DMXL1: variants seen among roughly 807,000 people sequenced by gnomAD.
The protein encoded by DMXL1 is dmX-like protein 1.
Under a neutral mutation model 319.2 loss-of-function variants are expected in DMXL1, and 99 were observed. The observed-to-expected ratio is 0.31, with a 90% confidence interval of 0.26 to 0.37. The LOEUF is 0.37. DMXL1 is among the 10% of genes least tolerant of loss of function. The probability of loss-of-function intolerance (pLI) is 1.00; values close to 1 mark genes in which losing one functional copy is unlikely to be tolerated. For missense variants in DMXL1, 3,745 were observed against 3,595.6 expected (o/e 1.04, Z -1.06); for synonymous variants, 1,385 against 1,235.2 (o/e 1.12, Z -2.54).
intron 30 of DMXL1, 148 bp downstream of exon 30, chr5:119,194,118 T>C: frequency 1.9e-6 from 1 of 537,462 alleles, no homozygotes. Flanking sequence ...GTTAAATTCC[T>C]TTCCTTAACA....
rs756593646 is a variant in DMXL1 at position 119,170,177 on chromosome 5, A to G, written c.5399-13A>G. 1.3e-6 allele frequency: 2 copies of G among 1,579,472 alleles called. No individual in the cohort carries two copies. The highest frequency in any genetic ancestry group is 2.4e-5 in the South Asian group (2 of 84,290). On this transcript the variant is annotated splice_polypyrimidine_tract_variant and intron_variant, in intron 23 of 43. Transcript: ENST00000539542. ...ATAACTTTTCTTGGCTCATAAAATG[A>G]ATTTACTTTCAGATCAAGTTTTATC...
chr5:119,195,632 T>C (rs1330616184), intron 30 of DMXL1, among the ~76,000 whole-genome samples: 1 of 152,184 alleles, frequency 6.6e-6, no homozygotes, highest in Non-Finnish European at 1.5e-5. Flanking sequence ...ATGAAAGGAA[T>C]TCTGGAGTTG....
intron 1 of DMXL1, among the ~76,000 whole-genome samples, chr5:119,078,328 T>G (rs1468012107): frequency 6.6e-6 from 1 of 152,156 alleles, no homozygotes; most frequent in Non-Finnish European, 1.5e-5. Context: ...AAGGAGAACA[T>G]TGAAACTGGA....
At chr5:119,219,203 T>C (rs1361190191) in intron 35 of DMXL1, among the ~76,000 whole-genome samples, 1 of 152,168 alleles carries the variant, frequency 6.6e-6, no homozygotes, top group Non-Finnish European at 1.5e-5. Flanking sequence ...ACACACATAG[T>C]AGGTTATATT....
chr5:119,178,559 C>T (rs1327735352), intron 28 of DMXL1: 1 of 959,616 alleles, frequency 1.0e-6, no homozygotes, highest in African/African-American at 1.8e-5. Context: ...CGGATTCTTT[C>T]TTCTTTCTTT....
chr5:119,082,158 C>T (rs552016715), intron 1 of DMXL1, among the ~76,000 whole-genome samples: 19 of 152,034 alleles, frequency 1.2e-4, no homozygotes, highest in African/African-American at 3.4e-4. Flanking sequence ...GTTTCCCAGG[C>T]TGCAGTGTAG....
Position 119,245,926 on chromosome 5 carries a change from A to G in DMXL1, c.8923-1069A>G, listed in dbSNP as rs747620216. 1.0e-3 allele frequency among the ~76,000 whole-genome samples: 154 copies of G among 152,220 alleles called. 1 individual carries two copies. Among genetic ancestry groups the G allele is most frequent in the Non-Finnish European group, 1.8e-3 (123 of 68,006 alleles). On this transcript the variant is annotated intron_variant, in intron 43 of 43. Coordinates refer to ENST00000539542, the MANE Select transcript of DMXL1 (RefSeq NM_001290321.3). ...AAAAAAAAAGAGTTGAAAATATACA[A>G]TGTATTCAGAAGCCCTAATTTAACA...
In DMXL1 at chr5:119,170,642, G is replaced by A; in HGVS notation, c.5851G>A (p.Asp1951Asn). Residue 1951 changes from aspartate (D) to asparagine (N), a missense_variant, in exon 24 of 44, where the codon GAC becomes AAC. Transcript: ENST00000539542. ...EKQSNSTLSF[D>N]WSQPSVVFQD... ...GCAATCAAACTCCACTCTTTCTTTT[G>A]ACTGGAGCCAACCAAGTGTTGTGTT... 1.9e-6 allele frequency: 3 copies of A among 1,613,620 alleles called. No homozygotes were observed. Among genetic ancestry groups the A allele is most frequent in the Non-Finnish European group, 2.5e-6 (3 of 1,179,894 alleles).
At chr5:119,123,127 C>T (rs535501053) in intron 9 of DMXL1, among the ~76,000 whole-genome samples, 8 of 152,144 alleles carry the variant, frequency 5.3e-5, no homozygotes, top group African/African-American at 1.9e-4. Context: ...ACAGCGAAAT[C>T]CCGTCTCCAC....
chr5:119,177,045 G>A (rs1775936554), intron 26 of DMXL1, among the ~76,000 whole-genome samples: 2 of 152,016 alleles, frequency 1.3e-5, no homozygotes, highest in Admixed American at 6.6e-5. Flanking sequence ...GAGCCTAAAC[G>A]GACTTCATTT....
intron 38 of DMXL1, among the ~76,000 whole-genome samples, chr5:119,228,684 G>A (rs1299611469): frequency 1.3e-5 from 2 of 151,988 alleles, no homozygotes; most frequent in African/African-American, 4.8e-5. Flanking sequence ...AGGGCCCTTT[G>A]GAAACTCGCA....
intron 1 of DMXL1, among the ~76,000 whole-genome samples, chr5:119,092,506 A>AC (rs1755012016): frequency 2.6e-5 from 4 of 152,188 alleles, no homozygotes; most frequent in Admixed American, 1.3e-4. Context: ...TTGAAATATA[A>AC]TTTACATACC....
intron 13 of DMXL1, among the ~76,000 whole-genome samples, chr5:119,137,240 C>T (rs1357857340): frequency 6.6e-6 from 1 of 152,110 alleles, no homozygotes; most frequent in Non-Finnish European, 1.5e-5. Context: ...GGCTTATGGC[C>T]CCTTTGTTTT....
chr5:119,085,197 G>A (rs1430544106), intron 1 of DMXL1, among the ~76,000 whole-genome samples: 1 of 151,882 alleles, frequency 6.6e-6, no homozygotes, highest in Non-Finnish European at 1.5e-5. Flanking sequence ...CAGGCATGGT[G>A]GTGTGCACCT....
chr5:119,166,575 T>C lies in DMXL1; in HGVS notation c.4971-41T>C, dbSNP rs1053656520. 3.2e-6 allele frequency: 5 copies of C among 1,562,572 alleles called. No individual in the cohort carries two copies. In the African/African-American group the frequency reaches 4.2e-5, roughly 13 times the overall value. On this transcript the variant is annotated intron_variant, in intron 21 of 43. Coordinates refer to ENST00000539542, the MANE Select transcript of DMXL1 (RefSeq NM_001290321.3). ...AAAATTGATTCTGATGTAAAGAAAA[T>C]TGTATTCCAAAATTTTCACACCATT...
chr5:119,123,315 T>G (rs1580841706), intron 9 of DMXL1, among the ~76,000 whole-genome samples: 2 of 79,010 alleles, frequency 2.5e-5, no homozygotes, highest in South Asian at 4.3e-4. Flanking sequence ...GGGGAGACCG[T>G]GGAAAGGGGA....
intron 35 of DMXL1, among the ~76,000 whole-genome samples, chr5:119,218,797 G>T (rs1784148527): frequency 6.6e-6 from 1 of 152,184 alleles, no homozygotes; most frequent in African/African-American, 2.4e-5. Context: ...ATTTGCAGCT[G>T]AGAAATAATA....
At chr5:119,209,583 A>G (rs1181827343) in intron 34 of DMXL1, among the ~76,000 whole-genome samples, 1 of 152,064 alleles carries the variant, frequency 6.6e-6, no homozygotes, top group Non-Finnish European at 1.5e-5. Context: ...TCTGGGCTCA[A>G]GCAGTCTTCC....
At chr5:119,139,146 A>G (rs1261541713) in intron 13 of DMXL1, among the ~76,000 whole-genome samples, 2 of 152,224 alleles carry the variant, frequency 1.3e-5, no homozygotes. Context: ...TAAATATTGA[A>G]TGGAAAGATC....
Sources: gnomAD v4.1 joint callset for allele counts (sites outside exome capture counted in the v4.1 genomes callset) on GRCh38, gnomAD v4.1.1 for gene constraint, MANE v1.5 for transcripts, NCBI Gene and HGNC (gene_info 2026-07-23, HGNC 2026-07-21) for gene names.